Variants in UGT1A8 observed in about 807,000 individuals in gnomAD.
UGT1A8 encodes the protein UDP-glucuronosyltransferase 1A8.
Under a neutral mutation model 45.3 loss-of-function variants are expected in UGT1A8, and 39 were observed. The observed-to-expected ratio is 0.86, with a 90% confidence interval of 0.67 to 1.12. The LOEUF (loss-of-function observed/expected upper bound fraction) is 1.12. UGT1A8 is among the 50% of genes most tolerant of loss of function. The probability of loss-of-function intolerance (pLI) is 0.00; values close to 1 mark genes in which losing one functional copy is unlikely to be tolerated. For synonymous variants in UGT1A8, 275 were observed against 249.2 expected (o/e 1.10, Z -0.97); for missense variants, 719 against 664.9 (o/e 1.08, Z -0.90).
intron 1 of UGT1A8, among the ~76,000 whole-genome samples, chr2:233,652,879 G>C (rs2073772839): frequency 6.6e-6 from 1 of 152,250 alleles, no homozygotes; most frequent in Non-Finnish European, 1.5e-5. Context: ...ATTTGGGGAA[G>C]TATTTATGAC....
chr2:233,716,287 C>T (rs1299471224), intron 1 of UGT1A8, among the ~76,000 whole-genome samples: 1 of 152,202 alleles, frequency 6.6e-6, no homozygotes, highest in African/African-American at 2.4e-5. Context: ...TTAATATAAT[C>T]ACATCTATAA....
intron 1 of UGT1A8, among the ~76,000 whole-genome samples, chr2:233,656,581 C>T (rs760553576): frequency 2.0e-5 from 3 of 152,130 alleles, no homozygotes; most frequent in East Asian, 1.9e-4. Context: ...TCTTGCCTGG[C>T]GTGGTTTGAG....
intron 1 of UGT1A8, among the ~76,000 whole-genome samples, chr2:233,674,049 G>A (rs753425003): frequency 2.0e-5 from 3 of 152,302 alleles, no homozygotes; most frequent in South Asian, 2.1e-4. Context: ...GTAGTTGGCT[G>A]AATCCAGATT....
chr2:233,670,226 G>T (rs567614521), intron 1 of UGT1A8, among the ~76,000 whole-genome samples: 93 of 152,302 alleles, frequency 6.1e-4, no homozygotes, highest in Admixed American at 6.5e-4. Flanking sequence ...CCTCTTGATT[G>T]TCCTCCATTG....
rs1177924904 is a variant in UGT1A8 at position 233,693,377 on chromosome 2, A to G, written c.856-73657A>G. The G allele has an allele frequency of 3.7e-6, 6 of 1,614,142 alleles. No individual in the cohort carries two copies. Among genetic ancestry groups the G allele is most frequent in the Non-Finnish European group, 2.5e-6 (3 of 1,180,026 alleles). On this transcript the variant is annotated intron_variant, in intron 1 of 4. Transcript: ENST00000373450. ...GATTGTTATTGGCCTGTACTTCATCAACTGCCAGAGCCTCCTGCAGGACAG... is the reference window on the plus strand; with the variant it reads ...GATTGTTATTGGCCTGTACTTCATCGACTGCCAGAGCCTCCTGCAGGACAG...
In UGT1A8 at chr2:233,617,891, G is replaced by T. The variant is rs769803582; in HGVS notation, c.184G>T (p.Val62Leu). The stretch of plus-strand genomic sequence containing the variant: ...TGAGGTGGTTGTAGTCATGCCAGAG[G>T]TGAGTTGGCAACTGGGAAAATCACT... Reference protein sequence around the residue: ...GHEVVVVMPEVSWQLGKSLNC... With the variant: ...GHEVVVVMPELSWQLGKSLNC... Residue 62 changes from valine (V) to leucine (L), a missense_variant, in exon 1 of 5, where the codon GTG becomes TTG. Transcript: ENST00000373450. 1.2e-6 allele frequency: 2 copies of T among 1,614,150 alleles called. No individual in the cohort carries two copies. The highest frequency in any genetic ancestry group is 2.2e-5 in the South Asian group (2 of 91,080).
rs199688431 is a variant in UGT1A8 at position 233,719,254 on chromosome 2, C to T, written c.856-47780C>T. ...CTGATCAGGCACCTGAATGCTACTTCCTTTGATGTGGTTTTAACAGACCCC... is the reference window on the plus strand; with the variant it reads ...CTGATCAGGCACCTGAATGCTACTTTCTTTGATGTGGTTTTAACAGACCCC... On this transcript the variant is annotated intron_variant, in intron 1 of 4. Transcript: ENST00000373450. 4.6e-5 allele frequency: 75 copies of T among 1,614,048 alleles called. No homozygotes were observed. The Middle Eastern group carries it at 2.5e-3, about 53-fold the overall frequency.
intron 1 of UGT1A8, among the ~76,000 whole-genome samples, chr2:233,641,080 A>G (rs770217684): frequency 3.9e-5 from 6 of 152,174 alleles, no homozygotes; most frequent in African/African-American, 9.7e-5. Flanking sequence ...TCAATACTGC[A>G]TCTAGCTCTC....
chr2:233,693,179 G>C, intron 1 of UGT1A8: 2 of 1,614,162 alleles, frequency 1.2e-6, no homozygotes, highest in Non-Finnish European at 1.7e-6. Flanking sequence ...GATTGTAGTG[G>C]TGGTGCCTGA....
At chr2:233,665,304 G>T (rs955944446) in intron 1 of UGT1A8, among the ~76,000 whole-genome samples, 1 of 152,076 alleles carries the variant, frequency 6.6e-6, no homozygotes, top group Admixed American at 6.6e-5. Context: ...TTCCAAATTT[G>T]TCTTTTTGCA....
intron 1 of UGT1A8, among the ~76,000 whole-genome samples, chr2:233,710,654 A>G (rs1019279657): frequency 1.3e-5 from 2 of 152,188 alleles, no homozygotes; most frequent in African/African-American, 4.8e-5. Flanking sequence ...TCTGGATACA[A>G]GTGCTATGTC....
intron 1 of UGT1A8, among the ~76,000 whole-genome samples, chr2:233,684,688 G>A (rs576173174): frequency 6.6e-6 from 1 of 152,146 alleles, no homozygotes; most frequent in South Asian, 2.1e-4. Context: ...AGGATTTATA[G>A]ATGTGGAAGG....
intron 1 of UGT1A8, among the ~76,000 whole-genome samples, chr2:233,734,191 TC>T (rs2078496929): frequency 6.6e-6 from 1 of 152,190 alleles, no homozygotes; most frequent in South Asian, 2.1e-4. Context: ...AATTATTGCC[TC>T]AATTTCAGAG....
intron 1 of UGT1A8, among the ~76,000 whole-genome samples, chr2:233,651,301 A>C (rs548415384): frequency 6.6e-6 from 1 of 152,336 alleles, no homozygotes; most frequent in African/African-American, 2.4e-5. Flanking sequence ...AGGGTCACCC[A>C]GAGGGCTTCC....
chr2:233,681,775 G>A (rs372304143), intron 1 of UGT1A8: 2 of 917,158 alleles, frequency 2.2e-6, no homozygotes, highest in Non-Finnish European at 2.6e-6. Context: ...GGCTACTCAT[G>A]TATTATTATG....
chr2:233,659,655 G>A (rs570653678), intron 1 of UGT1A8, among the ~76,000 whole-genome samples: 5 of 152,120 alleles, frequency 3.3e-5, no homozygotes, highest in Admixed American at 6.5e-5. Context: ...AGAGGCAGGC[G>A]CACTCGATTT....
intron 1 of UGT1A8, among the ~76,000 whole-genome samples, chr2:233,669,543 T>C (rs917766414): frequency 1.6e-4 from 25 of 152,354 alleles, no homozygotes; most frequent in African/African-American, 6.0e-4. Context: ...GTATTTTTTA[T>C]TTTTGATGCT....
In UGT1A8 at chr2:233,769,728, GCCTGT is replaced by G. The variant is rs1290172672; in HGVS notation, c.1295+1290_1295+1294del. The G allele has an allele frequency of 6.8e-7, 1 of 1,472,430 alleles. No individual in the cohort carries two copies. Among genetic ancestry groups the G allele is most frequent in the African/African-American group, 1.4e-5 (1 of 71,662 alleles). 91.2% of individuals were successfully genotyped at this position (1,472,430 alleles called of 1,614,324 possible). A position where few individuals can be genotyped will look rare whatever the true frequency, so the allele number is the denominator to read the frequency against. On this transcript the variant is annotated intron_variant, in intron 4 of 4. Coordinates refer to ENST00000373450, the MANE Select transcript of UGT1A8 (RefSeq NM_019076.5). This position sits in a 1 kb window ranked among gnomAD's most constrained non-coding sequence, Gnocchi z 4.4. ...ATGTTGGCTAGGCACCATGGCACAC[GCCTGT>G]AGTCCCAGCCACTCTGGAGGCTAAG...
At chr2:233,682,095 A>C (rs2074557589) in intron 1 of UGT1A8, 2 of 1,614,146 alleles carry the variant, frequency 1.2e-6, no homozygotes, top group Non-Finnish European at 8.5e-7. Flanking sequence ...CTCAGGGGGC[A>C]TGAGGTGGTC....
Sources: allele counts gnomAD v4.1 joint callset (sites outside exome capture counted in the v4.1 genomes callset), GRCh38; gene constraint gnomAD v4.1.1; non-coding constraint Gnocchi (gnomAD v3.1); transcripts MANE v1.5; gene names NCBI Gene and HGNC (gene_info 2026-07-23, HGNC 2026-07-21).